PLCL1: variants seen among roughly 807,000 people sequenced by gnomAD.
The protein encoded by PLCL1 is phospholipase C like 1 (inactive), also known as inactive phospholipase C-like protein 1.
PLCL1 carries 41 observed loss-of-function variants against 84.4 expected under a neutral mutation model. The observed-to-expected ratio is 0.49, with a 90% CI of 0.38 to 0.63. The LOEUF is 0.63. PLCL1 is among the 30% of genes least tolerant of loss of function. The pLI is 0.00. For missense variants in PLCL1, 1,206 were observed against 1,367.8 expected (o/e 0.88, Z 1.87); for synonymous variants, 490 against 488.3 (o/e 1.00, Z -0.05).
chr2:197,869,276 A>T (rs1479697135), intron 1 of PLCL1, among the ~76,000 whole-genome samples: 4 of 152,128 alleles, frequency 2.6e-5, no homozygotes, highest in Non-Finnish European at 4.4e-5. Flanking sequence ...GGGCCATTCC[A>T]CAATGTACTT....
chr2:198,059,774 G>A (rs1692148885), intron 1 of PLCL1, among the ~76,000 whole-genome samples: 1 of 152,164 alleles, frequency 6.6e-6, no homozygotes, highest in Non-Finnish European at 1.5e-5. Context: ...TGTTTTGCAA[G>A]CAGGGAAACC....
chr2:197,969,021 C>A (rs373234749), intron 1 of PLCL1, among the ~76,000 whole-genome samples: 30 of 152,308 alleles, frequency 2.0e-4, no homozygotes, highest in East Asian at 9.7e-4. Context: ...CACCTCCTGT[C>A]AGATCAGTGG....
chr2:198,025,211 T>A (rs547509412), intron 1 of PLCL1, among the ~76,000 whole-genome samples: 7 of 152,300 alleles, frequency 4.6e-5, no homozygotes, highest in South Asian at 4.1e-4. Flanking sequence ...AAATGAATTT[T>A]AAAAATTAGT....
At chr2:197,901,286 C>G (rs1418377879) in intron 1 of PLCL1, among the ~76,000 whole-genome samples, 1 of 152,058 alleles carries the variant, frequency 6.6e-6, no homozygotes, top group East Asian at 1.9e-4. Flanking sequence ...AGGAAGTTAA[C>G]TAAGAAATGA....
chr2:197,886,149 C>T lies in PLCL1; in HGVS notation c.240+80810C>T, dbSNP rs144800211. On this transcript the variant is annotated intron_variant, in intron 1 of 5. Coordinates refer to ENST00000428675, the MANE Select transcript of PLCL1 (RefSeq NM_006226.4). The stretch of plus-strand genomic sequence containing the variant: ...ATTCCTAGCTGGGAGCAGTGGCTCA[C>T]GCCTGTAATCCCAGCATTTTGGGAG... Among the ~76,000 whole-genome samples the T allele has an allele frequency of 6.2e-4, 95 of 152,168 alleles. 4 individuals are homozygous for T. In the South Asian group the frequency reaches 0.014, roughly 23 times the overall value.
In PLCL1 at chr2:197,837,951, AT is replaced by A. The variant is rs202222782; in HGVS notation, c.240+32621del. ...TTTTCAAAGATTGCTATAAACTGTG[AT>A]TTTTTTTTCAAAGAACAAATAGTCA... On this transcript the variant is annotated intron_variant, in intron 1 of 5. Transcript: ENST00000428675. 1.2e-3 allele frequency among the ~76,000 whole-genome samples: 176 copies of A among 151,428 alleles called. 2 individuals carry two copies. Among genetic ancestry groups the A allele is most frequent in the South Asian group, 0.01 (49 of 4,782 alleles).
chr2:198,010,707 A>G (rs891016538), intron 1 of PLCL1, among the ~76,000 whole-genome samples: 1 of 151,736 alleles, frequency 6.6e-6, no homozygotes, highest in South Asian at 2.1e-4. Flanking sequence ...TTTTGGCAGA[A>G]TTTGAGGAGG....
intron 1 of PLCL1, among the ~76,000 whole-genome samples, chr2:198,030,824 T>G (rs1372780973): frequency 6.6e-6 from 1 of 152,152 alleles, no homozygotes; most frequent in Non-Finnish European, 1.5e-5. Flanking sequence ...TGTCTCTGAT[T>G]TGACCCAGGA....
chr2:198,137,146 A>T (rs1694273218), intron 5 of PLCL1, among the ~76,000 whole-genome samples: 1 of 152,192 alleles, frequency 6.6e-6, no homozygotes, highest in African/African-American at 2.4e-5. Flanking sequence ...AAATAAAAAA[A>T]CACAAAAAAA....
intron 3 of PLCL1, 50 bp from the exon 4 acceptor site, chr2:198,101,235 C>A: frequency 9.2e-7 from 1 of 1,084,286 alleles, no homozygotes; most frequent in Non-Finnish European, 1.4e-6. Flanking sequence ...TCCCAATGAG[C>A]CAGTTCAAGG....
At chr2:197,900,938 T>A (rs947139525) in intron 1 of PLCL1, among the ~76,000 whole-genome samples, 4 of 152,200 alleles carry the variant, frequency 2.6e-5, no homozygotes, top group Non-Finnish European at 4.4e-5. Context: ...GTGTTTTGTT[T>A]AAGCCTTTGT....
chr2:197,944,403 C>T (rs577756496), intron 1 of PLCL1, among the ~76,000 whole-genome samples: 6 of 152,062 alleles, frequency 3.9e-5, no homozygotes, highest in Admixed American at 1.3e-4. Flanking sequence ...GACTGCTGTG[C>T]CTGAGTCTCA....
At chr2:197,983,184 C>CTTTTTTTTTTTT (rs1336700340) in intron 1 of PLCL1, among the ~76,000 whole-genome samples, 1 of 81,946 alleles carries the variant, frequency 1.2e-5, no homozygotes, top group African/African-American at 4.1e-5. Context: ...TTTTCTTTTT[C>CTTTTTTTTTTTT]TTTTTCTTTT....
At chr2:198,050,802 C>A (rs1691908591) in intron 1 of PLCL1, among the ~76,000 whole-genome samples, 1 of 152,176 alleles carries the variant, frequency 6.6e-6, no homozygotes, top group South Asian at 2.1e-4. Context: ...CCTCTTCTTT[C>A]CTAATTCTTT....
chr2:198,096,683 A>T (rs1432207004), intron 3 of PLCL1, among the ~76,000 whole-genome samples: 2 of 152,142 alleles, frequency 1.3e-5, no homozygotes, highest in Non-Finnish European at 2.9e-5. Context: ...ATTTGTTGTT[A>T]AAAAAAGGAA....
intron 1 of PLCL1, among the ~76,000 whole-genome samples, chr2:198,034,745 CA>C (rs1691515118): frequency 6.6e-6 from 1 of 152,166 alleles, no homozygotes; most frequent in African/African-American, 2.4e-5. Flanking sequence ...TAACAAAGGG[CA>C]AAAACCAATT....
chr2:198,002,103 C>A (rs763356606), intron 1 of PLCL1: 26 of 255,698 alleles, frequency 1.0e-4, no homozygotes, highest in Admixed American at 2.7e-4. Flanking sequence ...ATCCCAAAAC[C>A]ATCTCCACCC....
At position 197,848,680 on chromosome 2, in the gene PLCL1, A is replaced by G. The variant is rs190901500; in HGVS notation, c.240+43341A>G. Among the ~76,000 whole-genome samples, 501 of 152,336 alleles carry G rather than the reference A, an allele frequency of 3.3e-3. 2 individuals carry two copies. The highest frequency in any genetic ancestry group is 0.017 in the Middle Eastern group (5 of 294). ...GAAGGGCTGATTGAGAAGGTAAACTAGAACAAACGGCTTTAAAAATAATAG... is the reference window on the plus strand; with the variant it reads ...GAAGGGCTGATTGAGAAGGTAAACTGGAACAAACGGCTTTAAAAATAATAG... On this transcript the variant is annotated intron_variant, in intron 1 of 5. Coordinates refer to ENST00000428675, the MANE Select transcript of PLCL1 (RefSeq NM_006226.4).
chr2:198,102,464 G>A (rs1263116828), intron 4 of PLCL1, among the ~76,000 whole-genome samples: 7 of 151,990 alleles, frequency 4.6e-5, no homozygotes, highest in Admixed American at 4.6e-4. Context: ...AAGTTAACGT[G>A]GTCTTAGGCT....
Sources: allele counts gnomAD v4.1 joint callset (sites outside exome capture counted in the v4.1 genomes callset), GRCh38; gene constraint gnomAD v4.1.1; transcripts MANE v1.5; gene names NCBI Gene and HGNC (gene_info 2026-07-23, HGNC 2026-07-21).